CLDN2: variants seen among roughly 807,000 people sequenced by gnomAD.
The protein encoded by CLDN2 is claudin 2.
CLDN2 carries 1 observed loss-of-function variant against 8.2 expected under a neutral mutation model. That is an observed-to-expected ratio of 0.12 (90% CI 0.04 to 0.58). The LOEUF (loss-of-function observed/expected upper bound fraction) is 0.58, where lower values mean the gene tolerates loss of function less well. CLDN2 is among the 20% of genes least tolerant of loss of function. The pLI is 0.90. For synonymous variants in CLDN2, 70 were observed against 70.2 expected, an observed-to-expected ratio of 1.00 and a Z score of 0.01; for missense variants, 108 against 172.9, an observed-to-expected ratio of 0.62 and a Z score of 2.11.
At chrX:106,903,033 C>T in intron 1 of CLDN2, 5 of 948,337 alleles carry the variant, frequency 5.3e-6, no homozygotes, top group Non-Finnish European at 7.4e-6. Context: ...TGCTTTTCCC[C>T]TTCACAGAGA....
chrX:106,919,352 T>C (rs1933356996), upstream of CLDN2, among the ~76,000 whole-genome samples: 1 of 112,241 alleles, frequency 8.9e-6, no homozygotes, highest in South Asian at 3.7e-4. Flanking sequence ...ATTTTTCTAC[T>C]TAGAAAAAAC....
At position 106,929,070 on chromosome X, in the gene CLDN2, G is replaced by A. The variant is rs1430213662; in HGVS notation, c.*149G>A. ...GACTTTGGCCATTGGATTGAGCAAA[G>A]GCAGAAATGGGGGCTAGTGTAACAG... On this transcript the variant is annotated 3_prime_UTR_variant, in exon 2 of 2. Transcript: ENST00000336803. 1 of 480,379 alleles carries A rather than the reference G, an allele frequency of 2.1e-6. No individual in the cohort carries two copies. Among genetic ancestry groups the A allele is most frequent in the African/African-American group, 2.4e-5 (1 of 41,028 alleles). The allele number at this position is 480,379 out of a possible 1,213,427, so 39.6% of individuals were successfully genotyped here. A position where few individuals can be genotyped will look rare whatever the true frequency, so the allele number is the denominator to read the frequency against.
At chrX:106,902,166 T>C (rs1173424247) in intron 1 of CLDN2, 1 of 1,192,984 alleles carries the variant, frequency 8.4e-7, no homozygotes, top group Non-Finnish European at 1.1e-6. Flanking sequence ...CTCATCTGCC[T>C]TGGGGAGTCA....
upstream of CLDN2, among the ~76,000 whole-genome samples, chrX:106,913,983 CG>C (rs745389121): frequency 1.7e-4 from 16 of 93,847 alleles, no homozygotes; most frequent in East Asian, 5.3e-3. Flanking sequence ...GACAGGGTCT[CG>C]CTCTGTGGCC....
intron 1 of CLDN2, among the ~76,000 whole-genome samples, chrX:106,903,574 C>G (rs1037315964): frequency 8.1e-5 from 9 of 111,547 alleles, no homozygotes; most frequent in African/African-American, 2.9e-4. Flanking sequence ...ACAGAAGGGG[C>G]AAATCGCACA....
intron 1 of CLDN2, among the ~76,000 whole-genome samples, chrX:106,908,774 A>G (rs1933211831): frequency 9.1e-6 from 1 of 109,603 alleles, no homozygotes. Flanking sequence ...ATACTCTATA[A>G]CAATGTTTAT....
chrX:106,905,724 C>T (rs964282444), intron 1 of CLDN2, among the ~76,000 whole-genome samples: 2 of 111,014 alleles, frequency 1.8e-5, no homozygotes, highest in Non-Finnish European at 3.8e-5. Flanking sequence ...GATATTCCTC[C>T]TGAGCTCGGG....
upstream of CLDN2, among the ~76,000 whole-genome samples, chrX:106,914,109 C>A (rs760517154): frequency 1.8e-5 from 2 of 108,454 alleles, no homozygotes; most frequent in Non-Finnish European, 3.8e-5. Context: ...CACACCACCA[C>A]GCCCGGCTAA....
chrX:106,926,891 TCACACA>T (rs36178406), intron 1 of CLDN2, among the ~76,000 whole-genome samples: 1,086 of 10,211 alleles, frequency 0.11, 125 homozygotes, highest in East Asian at 0.16. Context: ...GGCAGGAGGA[TCACACA>T]CACACACACA....
In CLDN2 at chrX:106,929,223, G is replaced by A. The variant is rs16987204; in HGVS notation, c.*302G>A. On this transcript the variant is annotated 3_prime_UTR_variant, in exon 2 of 2. Coordinates refer to ENST00000336803, the MANE Select transcript of CLDN2 (RefSeq NM_020384.4). ...CATTCCCTTAAGCCAGGACTCAGAGGATCCCTTTGCCCTCTGGTTTACCTG... is the reference window on the plus strand; with the variant it reads ...CATTCCCTTAAGCCAGGACTCAGAGAATCCCTTTGCCCTCTGGTTTACCTG... The A allele has an allele frequency of 0.014, 4,447 of 326,038 alleles. 175 individuals are homozygous for A. The highest frequency in any genetic ancestry group is 0.11 in the African/African-American group (4,023 of 37,762). 26.9% of individuals were successfully genotyped at this position (326,038 alleles called of 1,213,427 possible). A position where few individuals can be genotyped will look rare whatever the true frequency, so the allele number is the denominator to read the frequency against.
upstream of CLDN2, among the ~76,000 whole-genome samples, chrX:106,919,442 T>C (rs1456224563): frequency 9.0e-6 from 1 of 111,442 alleles, no homozygotes; most frequent in Non-Finnish European, 1.9e-5. Flanking sequence ...TGTTTGTTTG[T>C]TTTGGTTTGG....
intron 1 of CLDN2, among the ~76,000 whole-genome samples, chrX:106,905,576 T>C (rs1446916035): frequency 9.0e-6 from 1 of 111,581 alleles, no homozygotes; most frequent in Non-Finnish European, 1.9e-5. Context: ...GGAGCCAGGC[T>C]GAAAAGACTG....
intron 1 of CLDN2, among the ~76,000 whole-genome samples, chrX:106,911,799 G>A (rs988133353): frequency 3.6e-5 from 4 of 112,365 alleles, no homozygotes; most frequent in Non-Finnish European, 5.6e-5. Context: ...TGAATGGAAT[G>A]ATGTTGACAC....
upstream of CLDN2, among the ~76,000 whole-genome samples, chrX:106,914,750 A>G (rs993255925): frequency 2.7e-5 from 3 of 111,975 alleles, no homozygotes; most frequent in Non-Finnish European, 5.6e-5. Flanking sequence ...AATATGTTCA[A>G]TGTCAATAGA....
At chrX:106,906,593 T>TAC (rs1203697164) in intron 1 of CLDN2, among the ~76,000 whole-genome samples, 2 of 111,050 alleles carry the variant, frequency 1.8e-5, no homozygotes, top group Non-Finnish European at 3.8e-5. Context: ...AAGCGTGAAT[T>TAC]ACCTCAGTGC....
At chrX:106,906,551 CCTT>C (rs753074600) in intron 1 of CLDN2, among the ~76,000 whole-genome samples, 1 of 111,224 alleles carries the variant, frequency 9.0e-6, no homozygotes, top group African/African-American at 3.3e-5. Flanking sequence ...AATAACCTCT[CCTT>C]CTACTTCCCT....
chrX:106,911,138 G>C (rs1933243185), intron 1 of CLDN2, among the ~76,000 whole-genome samples: 1 of 111,666 alleles, frequency 9.0e-6, no homozygotes, highest in South Asian at 3.8e-4. Context: ...AGGTGATGTT[G>C]GGTAAGTGAA....
At chrX:106,901,045 GT>G in intron 1 of CLDN2, 1 of 1,011,419 alleles carries the variant, frequency 9.9e-7, no homozygotes, top group Non-Finnish European at 1.3e-6. Context: ...AAGAAAGAAA[GT>G]TTTGTAACAG....
upstream of CLDN2, chrX:106,918,236 T>G (rs1933340526): frequency 8.9e-6 from 1 of 112,043 alleles, no homozygotes; most frequent in Non-Finnish European, 1.9e-5. Context: ...GGGTGAAGCC[T>G]GGGAAAAGAA....
Sources: gnomAD v4.1 joint callset for allele counts (sites outside exome capture counted in the v4.1 genomes callset) on GRCh38, gnomAD v4.1.1 for gene constraint, MANE v1.5 for transcripts, NCBI Gene and HGNC (gene_info 2026-07-23, HGNC 2026-07-21) for gene names.